Variants in FHIT observed in about 807,000 individuals in gnomAD.
FHIT encodes the protein fragile histidine triad diadenosine triphosphatase.
Under a neutral mutation model 17.9 loss-of-function variants are expected in FHIT, and 19 were observed. That is an observed-to-expected ratio of 1.06 (90% CI 0.74 to 1.56). FHIT has a LOEUF of 1.56. Ranked by LOEUF, FHIT falls within the 40% of genes most tolerant of loss-of-function variation. FHIT has a pLI of 0.00. For synonymous variants in FHIT, 81 were observed against 69.7 expected (o/e 1.16, Z -0.81); for missense variants, 248 against 189.2 (o/e 1.31, Z -1.82).
intron 4 of FHIT, among the ~76,000 whole-genome samples, chr3:60,786,795 G>C (rs782052232): frequency 1.3e-5 from 2 of 152,146 alleles, no homozygotes; most frequent in African/African-American, 2.4e-5. Context: ...AGAAATACTT[G>C]TGAATGAAGA....
At chr3:60,881,549 C>G (rs898283026) in intron 3 of FHIT, among the ~76,000 whole-genome samples, 1 of 152,024 alleles carries the variant, frequency 6.6e-6, no homozygotes, top group Non-Finnish European at 1.5e-5. Context: ...TAAGTCTCGA[C>G]AAATTTAAAA....
At chr3:61,086,849 G>C (rs538992378) in intron 2 of FHIT, among the ~76,000 whole-genome samples, 4 of 152,170 alleles carry the variant, frequency 2.6e-5, no homozygotes, top group African/African-American at 4.8e-5. Context: ...CTAATGTGCT[G>C]ATAAAAACTC....
chr3:60,335,978 G>A (rs550016896), intron 5 of FHIT, among the ~76,000 whole-genome samples: 2 of 152,096 alleles, frequency 1.3e-5, no homozygotes. Context: ...AGATCTGACA[G>A]AAAACATGAA....
chr3:60,488,435 C>T (rs1333852818), intron 5 of FHIT, among the ~76,000 whole-genome samples: 1 of 152,094 alleles, frequency 6.6e-6, no homozygotes, highest in African/African-American at 2.4e-5. Context: ...ATTTACTCAA[C>T]CAACAGTCAC....
At chr3:60,942,559 T>TTCTCTC (rs139616033) in intron 3 of FHIT, among the ~76,000 whole-genome samples, 1 of 150,498 alleles carries the variant, frequency 6.6e-6, no homozygotes, top group Non-Finnish European at 1.5e-5. Context: ...CTGTTTGTAT[T>TTCTCTC]TCTCTCTCTC....
At chr3:60,000,174 C>A (rs573211489) in intron 7 of FHIT, among the ~76,000 whole-genome samples, 1 of 152,116 alleles carries the variant, frequency 6.6e-6, no homozygotes, top group Admixed American at 6.5e-5. Context: ...GATGGGACTC[C>A]GATCCTTTAG....
At chr3:60,262,792 T>C (rs1706370669) in intron 5 of FHIT, among the ~76,000 whole-genome samples, 1 of 151,482 alleles carries the variant, frequency 6.6e-6, no homozygotes, top group Admixed American at 6.6e-5. Flanking sequence ...GTTAACCAAA[T>C]AAACTCTTTA....
chr3:60,009,749 T>C (rs1221989360), intron 7 of FHIT, among the ~76,000 whole-genome samples: 1 of 152,206 alleles, frequency 6.6e-6, no homozygotes, highest in Non-Finnish European at 1.5e-5. Flanking sequence ...CACAACGTTT[T>C]CATTACCCTA....
chr3:60,653,296 A>G (rs1008408919), intron 4 of FHIT, among the ~76,000 whole-genome samples: 14 of 152,208 alleles, frequency 9.2e-5, no homozygotes, highest in African/African-American at 3.4e-4. Flanking sequence ...ACAGGGTTCT[A>G]TTGAAAAGGA....
chr3:60,064,497 G>A lies in FHIT; in HGVS notation c.104-50345C>T, dbSNP rs141072751. 3.1e-3 allele frequency among the ~76,000 whole-genome samples: 465 copies of A among 152,204 alleles called. 2 individuals are homozygous for A. The highest frequency in any genetic ancestry group is 0.01 in the African/African-American group (424 of 41,524). On this transcript the variant is annotated intron_variant, in intron 5 of 9. Transcript: ENST00000492590. ...AGACAGTACTTCTAGAATTTTGACC[G>A]CATAGTAAACAGTCATTGTATCATC... is the stretch of plus-strand genomic sequence containing the variant.
chr3:61,033,229 C>T (rs890434974), intron 3 of FHIT, among the ~76,000 whole-genome samples: 17 of 152,112 alleles, frequency 1.1e-4, no homozygotes, highest in Non-Finnish European at 2.2e-4. Context: ...TGTGTCCTGC[C>T]ACGTATTTTT....
chr3:60,568,059 G>A (rs900063727), intron 4 of FHIT, among the ~76,000 whole-genome samples: 1 of 152,132 alleles, frequency 6.6e-6, no homozygotes. Flanking sequence ...CAATTCCTCA[G>A]GGATCTTGAA....
intron 4 of FHIT, among the ~76,000 whole-genome samples, chr3:60,632,761 A>C (rs1577003514): frequency 6.6e-6 from 1 of 152,232 alleles, no homozygotes; most frequent in Non-Finnish European, 1.5e-5. Context: ...TCTAAAATTC[A>C]TTGTCACCGA....
chr3:61,185,765 A>C (rs937210453), intron 2 of FHIT, among the ~76,000 whole-genome samples: 3 of 152,204 alleles, frequency 2.0e-5, no homozygotes, highest in African/African-American at 7.2e-5. Flanking sequence ...ACACCCAGAA[A>C]TGTCACTTGG....
intron 5 of FHIT, among the ~76,000 whole-genome samples, chr3:60,123,967 A>AAAAAATAT (rs1324108056): frequency 3.6e-5 from 1 of 27,788 alleles, no homozygotes; most frequent in African/African-American, 1.4e-4. Context: ...ATGCACTAAA[A>AAAAAATAT]ATATATATAT....
At chr3:59,823,783 G>A (rs1017827162) in intron 8 of FHIT, among the ~76,000 whole-genome samples, 5 of 152,060 alleles carry the variant, frequency 3.3e-5, no homozygotes, top group South Asian at 2.1e-4. Flanking sequence ...TCTGAGAAAC[G>A]GAACAAGACA....
intron 3 of FHIT, among the ~76,000 whole-genome samples, chr3:60,911,371 G>GCACACACA (rs35183064): frequency 0.014 from 2,107 of 149,022 alleles, 25 homozygotes; most frequent in Middle Eastern, 0.028. Flanking sequence ...TTCTTTGCAT[G>GCACACACA]CACACACACA....
At chr3:60,119,032 CA>C (rs142758352) in intron 5 of FHIT, among the ~76,000 whole-genome samples, 2 of 150,030 alleles carry the variant, frequency 1.3e-5, no homozygotes, top group African/African-American at 2.4e-5. Context: ...AAAACAAAAA[CA>C]AAAAAAACNT....
chr3:60,190,777 T>C (rs927618032), intron 5 of FHIT, among the ~76,000 whole-genome samples: 1 of 151,706 alleles, frequency 6.6e-6, no homozygotes, highest in Non-Finnish European at 1.5e-5. Context: ...TAATAAAATT[T>C]AAAAAAAATA....
Sources: gnomAD v4.1 joint callset for allele counts (sites outside exome capture counted in the v4.1 genomes callset) on GRCh38, gnomAD v4.1.1 for gene constraint, MANE v1.5 for transcripts, NCBI Gene and HGNC (gene_info 2026-07-23, HGNC 2026-07-21) for gene names.